Variants in SPTBN2 observed in about 807,000 individuals in gnomAD.
SPTBN2 encodes spectrin beta chain, non-erythrocytic 2.
A neutral mutation model predicts 284.2 loss-of-function variants in SPTBN2; 107 were observed. The ratio of observed to expected loss-of-function variants is 0.38; its 90% CI spans 0.32 to 0.44. The LOEUF (loss-of-function observed/expected upper bound fraction) is 0.44. SPTBN2 is among the 20% of genes least tolerant of loss of function. SPTBN2 has a pLI of 1.00. For synonymous variants in SPTBN2, 1,289 were observed against 1,354.8 expected (o/e 0.95, Z 1.07); for missense variants, 2,569 against 3,287.1 (o/e 0.78, Z 5.34).
chr11:66,724,034 G>A (rs929269262), intron 1 of SPTBN2, among the ~76,000 whole-genome samples: 2 of 152,102 alleles, frequency 1.3e-5, no homozygotes, highest in Admixed American at 6.5e-5. Flanking sequence ...CCCTGCCCCC[G>A]CTTCGGTTTC....
At chr11:66,720,576 TG>T (rs1192675485) in intron 3 of SPTBN2, among the ~76,000 whole-genome samples, 1 of 151,134 alleles carries the variant, frequency 6.6e-6, no homozygotes, top group Non-Finnish European at 1.5e-5. Context: ...CAGCAGCGGG[TG>T]GAGGGAACCT....
chr11:66,683,586 T>C lies in SPTBN2; in HGVS notation c.*2285A>G, dbSNP rs58596860. Among the ~76,000 whole-genome samples the C allele has an allele frequency of 6.6e-5, 10 of 152,372 alleles. No individual in the cohort carries two copies. Among genetic ancestry groups the C allele is most frequent in the African/African-American group, 2.2e-4 (9 of 41,586 alleles). ...TCTATGTCCTGTTCTTAAGGAATCA[T>C]GCCCTGAAGTCCTGCTGCCGCATAT... On this transcript the variant is annotated 3_prime_UTR_variant, in exon 38 of 38. Transcript: ENST00000533211.
chr11:66,703,171 C>A (rs550078121), intron 15 of SPTBN2, among the ~76,000 whole-genome samples: 1 of 151,864 alleles, frequency 6.6e-6, no homozygotes, highest in Non-Finnish European at 1.5e-5. Flanking sequence ...GCCTCGACCT[C>A]TGGGCTCAAG....
chr11:66,705,813 C>G lies in SPTBN2; in HGVS notation c.1678G>C (p.Gly560Arg). The G allele has an allele frequency of 6.2e-7, 1 of 1,612,444 alleles. No individual in the cohort carries two copies. The highest frequency in any genetic ancestry group is 8.5e-7 in the Non-Finnish European group (1 of 1,179,862). The change falls in exon 14 of 38, where the codon GGC becomes CGC. Residue 560 changes from glycine (G) to arginine (R), a missense_variant. This residue lies in a region of SPTBN2 where 1,012 missense variants were observed against 1,248.9 expected (regional missense o/e 0.81). Transcript: ENST00000533211. ...TCCTCCACTCCTGCTAGGTGCCTGCCCAGGTCCTGAGACTGCAGCCGGCCC... is the reference window on the plus strand; with the variant it reads ...TCCTCCACTCCTGCTAGGTGCCTGCGCAGGTCCTGAGACTGCAGCCGGCCC... ...MKGRLQSQDL[G>R]RHLAGVEDLL...
chr11:66,715,796 G>A lies in SPTBN2; in HGVS notation c.309+34C>T, dbSNP rs563157511. 1.3e-5 allele frequency: 21 copies of A among 1,612,036 alleles called. No homozygotes were observed. The highest frequency in any genetic ancestry group is 6.6e-5 in the South Asian group (6 of 90,698). ...CTGGTCCCCTTGGACACTTTTCTAA[G>A]GCCCCCCCACTTCCCTTCATGACCA... On this transcript the variant is annotated intron_variant, in intron 4 of 37. Coordinates refer to ENST00000533211, the MANE Select transcript of SPTBN2 (RefSeq NM_006946.4). This position sits in a 1 kb window ranked among gnomAD's most constrained non-coding sequence, Gnocchi z 5.3.
chr11:66,691,833 C>T lies in SPTBN2; in HGVS notation c.5191-175G>A, dbSNP rs1940571430. On this transcript the variant is annotated intron_variant, in intron 26 of 37. Transcript: ENST00000533211. The surrounding 1 kb of genome is among the most constrained non-coding windows in gnomAD (Gnocchi z 8.0). ...TAGGTGCAGCTGCTTCCCACTGACC[C>T]TGTATTTGACAGACTCCCTCCACCC... is the stretch of plus-strand genomic sequence containing the variant. 6.6e-6 allele frequency among the ~76,000 whole-genome samples: 1 copy of T among 151,270 alleles called. No homozygotes were observed.
At chr11:66,736,307 T>G (rs1414760755) in intron 1 of SPTBN2, among the ~76,000 whole-genome samples, 1 of 152,208 alleles carries the variant, frequency 6.6e-6, no homozygotes, top group African/African-American at 2.4e-5. Flanking sequence ...TAGAACCGAT[T>G]TGAGAACATG....
upstream of SPTBN2, among the ~76,000 whole-genome samples, chr11:66,733,013 T>C (rs1187930179): frequency 2.2e-5 from 3 of 134,384 alleles, no homozygotes; most frequent in Non-Finnish European, 3.2e-5. Context: ...ACAAAAGAAA[T>C]GGAGAAAAGA....
upstream of SPTBN2, among the ~76,000 whole-genome samples, chr11:66,729,618 T>TAGTG (rs1265902558): frequency 6.6e-6 from 1 of 152,196 alleles, no homozygotes; most frequent in African/African-American, 2.4e-5. Flanking sequence ...CAACCCTAAC[T>TAGTG]AGTGGTGTCA....
intron 15 of SPTBN2, among the ~76,000 whole-genome samples, chr11:66,703,540 C>T (rs577090745): frequency 1.2e-4 from 19 of 152,092 alleles, no homozygotes; most frequent in South Asian, 8.3e-4. Context: ...AGACCATCCT[C>T]GCTAACATGG....
At position 66,691,773 on chromosome 11, in the gene SPTBN2, G is replaced by C. The variant is rs2135344872; in HGVS notation, c.5191-115C>G. ...GAACCCACCTCTCCCCGCTGCATGG[G>C]GGCCGGGACAGGTTTCTTCCCTGTG... On this transcript the variant is annotated intron_variant, in intron 26 of 37. Transcript: ENST00000533211. This position sits in a 1 kb window ranked among gnomAD's most constrained non-coding sequence, Gnocchi z 8.0. 1 of 1,494,140 alleles carries C rather than the reference G, an allele frequency of 6.7e-7. No homozygotes were observed. The highest frequency in any genetic ancestry group is 9.1e-7 in the Non-Finnish European group (1 of 1,094,402). The allele number at this position is 1,494,140 out of a possible 1,614,324, so 92.6% of individuals were successfully genotyped here. A position where few individuals can be genotyped will look rare whatever the true frequency, so the allele number is the denominator to read the frequency against.
chr11:66,733,024 C>T (rs1239161363), upstream of SPTBN2, among the ~76,000 whole-genome samples: 2 of 150,098 alleles, frequency 1.3e-5, no homozygotes, highest in African/African-American at 2.5e-5. Context: ...GGAGAAAAGA[C>T]CAGGGTGCAG....
At chr11:66,724,760 A>G (rs1400058359) in intron 1 of SPTBN2, among the ~76,000 whole-genome samples, 2 of 152,148 alleles carry the variant, frequency 1.3e-5, no homozygotes, top group African/African-American at 4.8e-5. Flanking sequence ...TAATGATGGA[A>G]GCCAGAAAGG....
At position 66,686,054 on chromosome 11, in the gene SPTBN2, C is replaced by T. The variant is rs372297351; in HGVS notation, c.6990G>A (p.Ala2330=). 7.4e-6 allele frequency: 12 copies of T among 1,613,674 alleles called. No homozygotes were observed. The highest frequency in any genetic ancestry group is 6.7e-5 in the East Asian group (3 of 44,892). ...LRVVNAAIAT[A]SSASGEPEEP... ...CTTCAGGCTCTCCAGAGGCAGAAGA[C>T]GCTGTGGCAATGGCTGCATTCACCA... Residue 2330 remains alanine (A), a synonymous_variant, in exon 38 of 38, where the codon GCG becomes GCA. Transcript: ENST00000533211.
At chr11:66,692,777 G>C in intron 25 of SPTBN2, 37 bp from the exon 26 acceptor site, 1 of 1,599,450 alleles carries the variant, frequency 6.3e-7, no homozygotes, top group South Asian at 1.1e-5. Context: ...TGGGACTTAG[G>C]GGTGTAGCTC....
Position 66,721,365 on chromosome 11 carries a change from C to G in SPTBN2, c.-38G>C. 1 of 1,362,298 alleles carries G rather than the reference C, an allele frequency of 7.3e-7. No individual in the cohort carries two copies. Among genetic ancestry groups the G allele is most frequent in the Non-Finnish European group, 1.0e-6 (1 of 962,194 alleles). The allele number at this position is 1,362,298 out of a possible 1,614,324, so 84.4% of individuals were successfully genotyped here. The stretch of plus-strand genomic sequence containing the variant: ...CTTGCCCTACCTGTGCTCCGCTCTC[C>G]TTGTGGCCAGAGGCTGCGGTTGGCT... On this transcript the variant is annotated 5_prime_UTR_variant, in exon 2 of 38. Coordinates refer to ENST00000533211, the MANE Select transcript of SPTBN2 (RefSeq NM_006946.4).
chr11:66,696,126 A>C, intron 21 of SPTBN2, 151 bp downstream of exon 21: 96 of 988,252 alleles, frequency 9.7e-5, no homozygotes, highest in Non-Finnish European at 1.3e-4. Context: ...ACATATCCCT[A>C]GAGATTCTGA....
chr11:66,704,829 G>A lies in SPTBN2; in HGVS notation c.2447C>T (p.Thr816Ile), dbSNP rs1565135549. The change falls in exon 15 of 38, where the codon ACA becomes ATA. Residue 816 changes from threonine (T) to isoleucine (I), a missense_variant. Thr to Ile is a moderately conservative substitution (Grantham distance 89). Around this residue, in one of 6 missense-constraint regions of SPTBN2, gnomAD observed 1,012 missense variants for 1,248.9 expected, o/e 0.81. Coordinates refer to ENST00000533211, the MANE Select transcript of SPTBN2 (RefSeq NM_006946.4). ...LREQAAALPPTLSRTPEVQSR... is the reference protein window; with the variant it reads ...LREQAAALPPILSRTPEVQSR... ...CTGCACCTCGGGCGTGCGGCTCAGT[G>A]TGGGGGGCAGGGCTGCTGCCTGTTC... The A allele has an allele frequency of 6.2e-7, 1 of 1,607,396 alleles. No individual in the cohort carries two copies. Among genetic ancestry groups the A allele is most frequent in the African/African-American group, 1.3e-5 (1 of 74,926 alleles).
At chr11:66,714,216 TTC>T in intron 6 of SPTBN2, 45 bp from the exon 7 acceptor site, 8 of 1,610,468 alleles carry the variant, frequency 5.0e-6, no homozygotes, top group Non-Finnish European at 6.8e-6. Context: ...CTGAGCTCTG[TTC>T]TATGACTCCA....
Sources: allele counts gnomAD v4.1 joint callset (sites outside exome capture counted in the v4.1 genomes callset), GRCh38; gene constraint gnomAD v4.1.1; regional missense constraint gnomAD v4.1.1; non-coding constraint Gnocchi (gnomAD v3.1); transcripts MANE v1.5; gene names NCBI Gene and HGNC (gene_info 2026-07-23, HGNC 2026-07-21).